ZBTB45: variants seen among roughly 807,000 people sequenced by gnomAD.
ZBTB45 encodes the protein zinc finger and BTB domain-containing protein 45.
A neutral mutation model predicts 28.4 loss-of-function variants in ZBTB45; 22 were observed. The observed-to-expected ratio is 0.77, with a 90% CI of 0.55 to 1.10. ZBTB45 has a LOEUF of 1.10. Among genes scored for constraint, ZBTB45 ranks in the 50% least tolerant of loss-of-function variants. The probability of loss-of-function intolerance (pLI) is 0.00; values close to 1 mark genes in which losing one functional copy is unlikely to be tolerated. For missense variants in ZBTB45, 656 were observed against 750.2 expected (o/e 0.87, Z 1.47); for synonymous variants, 361 against 332.3 (o/e 1.09, Z -0.94).
At chr19:58,519,871 A>AG (rs2053563297), upstream of ZBTB45, 1 of 152,282 alleles carries the variant, frequency 6.6e-6, no homozygotes, top group African/African-American at 2.4e-5. Context: ...GGGAAACCCT[A>AG]GGCCGAAGCA....
Position 58,513,971 on chromosome 19 carries a change from G to C in ZBTB45, c.*83C>G, listed in dbSNP as rs1210785607. On this transcript the variant is annotated 3_prime_UTR_variant, in exon 3 of 3. Transcript: ENST00000594051. ...CAGGAGGGAGCGTGGTCTAGTGGCG[G>C]GAACCACGGGTCCCGCAGCGGGCGT... 1 of 1,342,564 alleles carries C rather than the reference G, an allele frequency of 7.4e-7. No homozygotes were observed. Among genetic ancestry groups the C allele is most frequent in the African/African-American group, 1.5e-5 (1 of 64,542 alleles). 83.2% of individuals were successfully genotyped at this position (1,342,564 alleles called of 1,614,324 possible).
chr19:58,516,573 C>T lies in ZBTB45; in HGVS notation c.1101G>A (p.Glu367=), dbSNP rs1391005233. The T allele has an allele frequency of 1.2e-5, 19 of 1,591,600 alleles. 1 individual carries two copies. The Middle Eastern group carries it at 1.5e-3, about 123-fold the overall frequency. The change falls in exon 2 of 3, where the codon GAG becomes GAA. Residue 367 remains glutamate (E), a synonymous_variant. Transcript: ENST00000594051. The surrounding 1 kb of genome is among the most constrained non-coding windows in gnomAD (Gnocchi z 6.2). Reference sequence around the variant, plus strand: ...CCCCCAGCTGAGTACTGGGGGCTGCCTCGGGCTGGAGTGTGGGGTAGAAGG... The same window carrying T: ...CCCCCAGCTGAGTACTGGGGGCTGCTTCGGGCTGGAGTGTGGGGTAGAAGG... ...PPAFYPTLQP[E]AAPSTQLGEV... is the part of the protein sequence containing the mutation.
chr19:58,527,995 G>C (rs1046522247), intron 1 of ZBTB45, among the ~76,000 whole-genome samples: 11 of 152,198 alleles, frequency 7.2e-5, no homozygotes, highest in Admixed American at 7.2e-4. Context: ...TCAGCTACTC[G>C]GAGGCTGAGA....
chr19:58,529,802 T>C (rs1255566170), intron 1 of ZBTB45, among the ~76,000 whole-genome samples: 1 of 152,070 alleles, frequency 6.6e-6, no homozygotes, highest in African/African-American at 2.4e-5. Flanking sequence ...AATGGAACCA[T>C]ACAATATGTG....
upstream of ZBTB45, among the ~76,000 whole-genome samples, chr19:58,521,051 CAAAAAAAAAAAAAAAAAAA>C (rs71190053): frequency 3.6e-5 from 1 of 27,800 alleles, no homozygotes; most frequent in Non-Finnish European, 5.7e-5. Context: ...GACTCCGTCT[CAAAAAAAAAAAAAAAAAAA>C]AAAAAAAAAA....
intron 1 of ZBTB45, among the ~76,000 whole-genome samples, chr19:58,529,351 G>A (rs1344085361): frequency 6.6e-6 from 1 of 152,178 alleles, no homozygotes; most frequent in Non-Finnish European, 1.5e-5. Context: ...TGAGATGGCA[G>A]CCCGAGGAGG....
At position 58,516,251 on chromosome 19, in the gene ZBTB45, C is replaced by T; in HGVS notation, c.1279+144G>A. Reference sequence around the variant, plus strand: ...TTTCCCCTCCCCCACATACCTTGCACTTGGGGGAAGGCTCAATTTCTAGGC... The same window carrying T: ...TTTCCCCTCCCCCACATACCTTGCATTTGGGGGAAGGCTCAATTTCTAGGC... On this transcript the variant is annotated intron_variant, in intron 2 of 2. Transcript: ENST00000594051. The surrounding 1 kb of genome is among the most constrained non-coding windows in gnomAD (Gnocchi z 6.2). The T allele has an allele frequency of 1.9e-6, 2 of 1,079,590 alleles. No homozygotes were observed. The highest frequency in any genetic ancestry group is 1.3e-6 in the Non-Finnish European group (1 of 754,552). The allele number at this position is 1,079,590 out of a possible 1,614,324, so 66.9% of individuals were successfully genotyped here. A position where few individuals can be genotyped will look rare whatever the true frequency, so the allele number is the denominator to read the frequency against.
At chr19:58,529,539 C>G in intron 1 of ZBTB45, among the ~76,000 whole-genome samples, 1 of 152,288 alleles carries the variant, frequency 6.6e-6, no homozygotes, top group Middle Eastern at 3.4e-3. Flanking sequence ...AAAATAAAAA[C>G]TTTTCTCCCC....
chr19:58,526,144 T>C (rs771784592), intron 1 of ZBTB45, among the ~76,000 whole-genome samples: 1 of 152,038 alleles, frequency 6.6e-6, no homozygotes. Context: ...AGGTCAAGAG[T>C]TCCAGACCAG....
upstream of ZBTB45, among the ~76,000 whole-genome samples, chr19:58,521,872 A>G (rs1487232281): frequency 6.6e-6 from 1 of 152,060 alleles, no homozygotes; most frequent in Non-Finnish European, 1.5e-5. Context: ...GAGGGAACCA[A>G]CTGTCCAAAC....
chr19:58,518,697 G>A (rs1312699589), intron 1 of ZBTB45, among the ~76,000 whole-genome samples: 2 of 152,044 alleles, frequency 1.3e-5, no homozygotes, highest in Non-Finnish European at 2.9e-5. Context: ...TGATCCTTCG[G>A]CCTGTTTCCC....
At chr19:58,527,636 C>A (rs936729540) in intron 1 of ZBTB45, among the ~76,000 whole-genome samples, 2 of 152,132 alleles carry the variant, frequency 1.3e-5, no homozygotes, top group Non-Finnish European at 2.9e-5. Flanking sequence ...GAAGTGCTTC[C>A]CTACTAAGGT....
chr19:58,516,524 GAGC>G lies in ZBTB45; in HGVS notation c.1147_1149del (p.Ala383del). On this transcript the variant is annotated inframe_deletion, in exon 2 of 3. Coordinates refer to ENST00000594051, the MANE Select transcript of ZBTB45 (RefSeq NM_001316979.2). The surrounding 1 kb of genome is among the most constrained non-coding windows in gnomAD (Gnocchi z 6.2). ...GGGGTGCCTGAGGGGGCCGTGGTGG[GAGC>G]AGCAGAGGGAGCCGGGACCTCCCCC... The G allele has an allele frequency of 6.2e-7, 1 of 1,612,592 alleles. No homozygotes were observed. Among genetic ancestry groups the G allele is most frequent in the Non-Finnish European group, 8.5e-7 (1 of 1,179,346 alleles).
chr19:58,531,592 G>A (rs967965987), intron 1 of ZBTB45, among the ~76,000 whole-genome samples: 8 of 152,202 alleles, frequency 5.3e-5, no homozygotes, highest in Admixed American at 3.3e-4. Context: ...AAGAACTGGG[G>A]CCATGTGTTC....
At chr19:58,524,943 G>C (rs1002577976) in intron 1 of ZBTB45, among the ~76,000 whole-genome samples, 14 of 152,054 alleles carry the variant, frequency 9.2e-5, no homozygotes, top group African/African-American at 3.4e-4. Context: ...GGGAAATGGT[G>C]GCCATTGAGG....
chr19:58,532,738 A>G (rs1247041948), intron 1 of ZBTB45, among the ~76,000 whole-genome samples: 1 of 150,866 alleles, frequency 6.6e-6, no homozygotes, highest in Admixed American at 6.6e-5. Context: ...ACTAGAGACA[A>G]GGTTTCACTA....
intron 2 of ZBTB45, among the ~76,000 whole-genome samples, chr19:58,514,954 T>C (rs1367856241): frequency 2.6e-5 from 4 of 152,124 alleles, no homozygotes; most frequent in Non-Finnish European, 1.5e-5. Context: ...CTTGGTGTGA[T>C]AGAGAGAGCT....
Position 58,517,002 on chromosome 19 carries a change from T to G in ZBTB45, c.672A>C (p.Glu224Asp), listed in dbSNP as rs1568642539. The G allele has an allele frequency of 1.2e-6, 2 of 1,613,180 alleles. No individual in the cohort carries two copies. The highest frequency in any genetic ancestry group is 1.7e-6 in the Non-Finnish European group (2 of 1,179,988). Reference sequence around the variant, plus strand: ...CCTGGCCCTCGCCTGGGCCGCCACCTTCGCCATCCTCGCCATCGGTCTCAT... The same window carrying G: ...CCTGGCCCTCGCCTGGGCCGCCACCGTCGCCATCCTCGCCATCGGTCTCAT... ...SDDETDGEDG[E>D]GGGPGEGQAP... Residue 224 changes from glutamate to aspartate, a missense_variant, in exon 2 of 3, where the codon GAA (glutamate) becomes GAC (aspartate). Around this residue, in one of 3 missense-constraint regions of ZBTB45, gnomAD observed 448 missense variants for 444.3 expected, o/e 1.01. Coordinates refer to ENST00000594051, the MANE Select transcript of ZBTB45 (RefSeq NM_001316979.2).
At chr19:58,520,942 C>G (rs1417630256), upstream of ZBTB45, among the ~76,000 whole-genome samples, 1 of 148,318 alleles carries the variant, frequency 6.7e-6, no homozygotes, top group East Asian at 2.0e-4. Flanking sequence ...GTCCCAGCTA[C>G]TCGGGAGACT....
Sources: gnomAD v4.1 joint callset for allele counts (sites outside exome capture counted in the v4.1 genomes callset) on GRCh38, gnomAD v4.1.1 for gene constraint, gnomAD v4.1.1 regional missense constraint, Gnocchi (gnomAD v3.1) non-coding constraint, MANE v1.5 for transcripts, NCBI Gene and HGNC (gene_info 2026-07-23, HGNC 2026-07-21) for gene names.